Variants in ODAD2 observed in about 807,000 individuals in gnomAD.
ODAD2 encodes outer dynein arm-docking complex subunit 2.
A neutral mutation model predicts 106.8 loss-of-function variants in ODAD2; 89 were observed. The ratio of observed to expected loss-of-function variants is 0.83; its 90% CI spans 0.70 to 0.99. The LOEUF (loss-of-function observed/expected upper bound fraction) is 0.99, where lower values mean the gene tolerates loss of function less well. ODAD2 is among the 50% of genes least tolerant of loss of function. The pLI is 0.00. For synonymous variants in ODAD2, 404 were observed against 436.2 expected, an observed-to-expected ratio of 0.93 and a Z score of 0.92; for missense variants, 1,168 against 1,238.5, an observed-to-expected ratio of 0.94 and a Z score of 0.85.
rs536988483 is a variant in ODAD2 at position 27,935,301 on chromosome 10, C to G, written c.2253-49G>C. ...AGAATTGGTTTTTGTATAAGGTTTG[C>G]TAAAAATTACTAAATGTTCATTCAA... On this transcript the variant is annotated intron_variant, in intron 15 of 19. Transcript: ENST00000305242. 7 of 1,596,672 alleles carry G rather than the reference C, an allele frequency of 4.4e-6. No homozygotes were observed. In the South Asian group the frequency reaches 4.5e-5, roughly 10 times the overall value.
chr10:27,949,097 C>T (rs1847151053), intron 10 of ODAD2, among the ~76,000 whole-genome samples: 2 of 152,030 alleles, frequency 1.3e-5, no homozygotes, highest in South Asian at 4.1e-4. Context: ...AAGAAATAAA[C>T]ATTTGCTAAG....
intron 10 of ODAD2, chr10:27,958,895 G>A: frequency 1.5e-6 from 2 of 1,303,898 alleles, no homozygotes; most frequent in Non-Finnish European, 2.0e-6. Flanking sequence ...CAACGTCAAA[G>A]ATCATGCTTC....
intron 19 of ODAD2, among the ~76,000 whole-genome samples, chr10:27,841,445 G>C (rs1963750): frequency 0.098 from 14,831 of 151,692 alleles, 979 homozygotes; most frequent in Non-Finnish European, 0.14. Flanking sequence ...ACCTAGGCTG[G>C]AGTGCAGTGG....
intron 10 of ODAD2, among the ~76,000 whole-genome samples, chr10:27,951,660 A>G (rs1276609158): frequency 2.6e-5 from 4 of 152,156 alleles, no homozygotes; most frequent in African/African-American, 7.2e-5. Flanking sequence ...AACAGAGGGA[A>G]CTAGAAATTA....
At chr10:27,975,295 AATAAAAAGAC>A (rs1849119882) in intron 7 of ODAD2, among the ~76,000 whole-genome samples, 1 of 152,188 alleles carries the variant, frequency 6.6e-6, no homozygotes, top group South Asian at 2.1e-4. Flanking sequence ...AATAAACCCA[AATAAAAAGAC>A]ATAAGCACCA....
At chr10:27,925,093 G>C (rs1225093467) in intron 16 of ODAD2, among the ~76,000 whole-genome samples, 1 of 150,742 alleles carries the variant, frequency 6.6e-6, no homozygotes, top group Non-Finnish European at 1.5e-5. Context: ...AAAAACTACA[G>C]ACCAATATCA....
intron 19 of ODAD2, among the ~76,000 whole-genome samples, chr10:27,853,995 T>C (rs542474069): frequency 6.6e-6 from 1 of 152,248 alleles, no homozygotes; most frequent in South Asian, 2.1e-4. Flanking sequence ...AAATTACACA[T>C]ATGGTAAGCA....
rs745359632 is a variant in ODAD2 at position 27,987,558 on chromosome 10, TA to T, written c.225-16del. ...CTGTTGTTTCACTAAAAAATAAAAATAAAAAATTGAAAGCTTCATGCTACCT... is the reference window on the plus strand; with the variant it reads ...CTGTTGTTTCACTAAAAAATAAAAATAAAAATTGAAAGCTTCATGCTACCT... On this transcript the variant is annotated splice_polypyrimidine_tract_variant and intron_variant, in intron 2 of 19. Coordinates refer to ENST00000305242, the MANE Select transcript of ODAD2 (RefSeq NM_018076.5). The T allele has an allele frequency of 4.4e-6, 7 of 1,592,176 alleles. No individual in the cohort carries two copies. The South Asian group carries it at 8.0e-5, about 18-fold the overall frequency.
intron 13 of ODAD2, 122 bp from the exon 14 acceptor site, chr10:27,940,129 C>A (rs1434435917): frequency 6.5e-6 from 4 of 617,256 alleles, no homozygotes; most frequent in Admixed American, 6.7e-5. Context: ...CCAAGCTTAA[C>A]ATATCCCTAC....
intron 19 of ODAD2, among the ~76,000 whole-genome samples, chr10:27,845,715 G>A (rs1417891417): frequency 6.6e-6 from 1 of 152,146 alleles, no homozygotes; most frequent in Non-Finnish European, 1.5e-5. Context: ...CAAAATAAAG[G>A]TATGGAGGAA....
chr10:27,813,412 T>C (rs763943999), intron 19 of ODAD2: 1 of 152,246 alleles, frequency 6.6e-6, no homozygotes, highest in South Asian at 2.1e-4. Context: ...ATTGGCTTAA[T>C]GCTTTCTGTC....
intron 10 of ODAD2, among the ~76,000 whole-genome samples, chr10:27,945,513 CGAA>C (rs1846842302): frequency 6.6e-6 from 1 of 151,958 alleles, no homozygotes; most frequent in African/African-American, 2.4e-5. Flanking sequence ...ATGGGCAGGA[CGAA>C]GAAGAAAGCA....
intron 19 of ODAD2, among the ~76,000 whole-genome samples, chr10:27,825,251 C>T (rs572265577): frequency 1.3e-5 from 2 of 152,328 alleles, no homozygotes; most frequent in East Asian, 3.9e-4. Flanking sequence ...ACTACTATCT[C>T]TTGAACTGAA....
chr10:27,864,274 G>C (rs919101542), intron 17 of ODAD2, among the ~76,000 whole-genome samples: 2 of 150,894 alleles, frequency 1.3e-5, no homozygotes, highest in African/African-American at 4.9e-5. Flanking sequence ...TGTTGGAAGA[G>C]CTGGGTTTGG....
intron 16 of ODAD2, among the ~76,000 whole-genome samples, chr10:27,908,771 T>A (rs1231957988): frequency 6.6e-6 from 1 of 151,316 alleles, no homozygotes; most frequent in African/African-American, 2.4e-5. Flanking sequence ...GGGAAAAATG[T>A]ATTATTCCAA....
chr10:27,979,225 C>G (rs996423210), intron 7 of ODAD2, among the ~76,000 whole-genome samples: 2 of 136,960 alleles, frequency 1.5e-5, no homozygotes, highest in Non-Finnish European at 3.1e-5. Context: ...GAGTGAGACT[C>G]CATCTCAAAA....
chr10:27,878,759 A>G (rs1050398953), intron 17 of ODAD2, among the ~76,000 whole-genome samples: 7 of 152,132 alleles, frequency 4.6e-5, no homozygotes, highest in African/African-American at 1.7e-4. Context: ...AAAATTCTCA[A>G]TACAGCCTAT....
chr10:27,946,037 T>C (rs556431249), intron 10 of ODAD2, among the ~76,000 whole-genome samples: 1 of 149,720 alleles, frequency 6.7e-6, no homozygotes, highest in East Asian at 1.9e-4. Context: ...TGTATACAAA[T>C]AGATTATATA....
intron 19 of ODAD2, chr10:27,813,234 C>G (rs1300641280): frequency 6.6e-6 from 1 of 152,224 alleles, no homozygotes; most frequent in Non-Finnish European, 1.5e-5. Flanking sequence ...CCATCCCCTT[C>G]TCTGGCTTGG....
Sources: allele counts gnomAD v4.1 joint callset (sites outside exome capture counted in the v4.1 genomes callset), GRCh38; gene constraint gnomAD v4.1.1; transcripts MANE v1.5; gene names NCBI Gene and HGNC (gene_info 2026-07-23, HGNC 2026-07-21).